Variants in ROPN1B observed in about 807,000 individuals in gnomAD.
ROPN1B encodes the protein ropporin-1B.
Under a neutral mutation model 23.7 loss-of-function variants are expected in ROPN1B, and 13 were observed. The ratio of observed to expected loss-of-function variants is 0.55; its 90% CI spans 0.36 to 0.87. The LOEUF (loss-of-function observed/expected upper bound fraction) is 0.87, where lower values mean the gene tolerates loss of function less well. Among genes scored for constraint, ROPN1B ranks in the 40% least tolerant of loss-of-function variants. ROPN1B has a pLI of 0.01. For synonymous variants in ROPN1B, 67 were observed against 100.4 expected (o/e 0.67, Z 1.99); for missense variants, 183 against 249.2 (o/e 0.73, Z 1.79).
At chr3:125,971,304 G>T (rs1487122068) in intron 2 of ROPN1B, 142 bp downstream of exon 2, 1 of 152,082 alleles carries the variant, frequency 6.6e-6, no homozygotes, top group Non-Finnish European at 1.5e-5. Context: ...CTGGCCTCTA[G>T]GTGTTTTGAA....
chr3:125,980,127 G>A (rs976760930), intron 5 of ROPN1B, among the ~76,000 whole-genome samples: 2 of 152,208 alleles, frequency 1.3e-5, no homozygotes, highest in African/African-American at 4.8e-5. Flanking sequence ...CTACCTCTGT[G>A]AAGTGGATCC....
intron 5 of ROPN1B, among the ~76,000 whole-genome samples, chr3:125,978,682 T>G (rs1224008977): frequency 6.6e-6 from 1 of 152,146 alleles, no homozygotes; most frequent in Non-Finnish European, 1.5e-5. Flanking sequence ...TCTCCCAGAT[T>G]GGTGAAAGTC....
At chr3:125,975,755 C>T (rs1938387706) in intron 4 of ROPN1B, 75 bp downstream of exon 4, 3 of 1,359,668 alleles carry the variant, frequency 2.2e-6, no homozygotes, top group African/African-American at 1.4e-5. Flanking sequence ...CGAAAGCCCT[C>T]TGTTCTCCTG....
intron 4 of ROPN1B, among the ~76,000 whole-genome samples, chr3:125,976,513 T>C (rs530702286): frequency 6.6e-6 from 1 of 152,350 alleles, no homozygotes; most frequent in East Asian, 1.9e-4. Flanking sequence ...GTCAGCCACA[T>C]ACCCCATATC....
At chr3:125,969,747 C>T (rs1938124739) in intron 1 of ROPN1B, 1 of 152,456 alleles carries the variant, frequency 6.6e-6, no homozygotes, top group African/African-American at 2.4e-5. Flanking sequence ...ATAAAAATAC[C>T]TCTGGGTGAA....
Position 125,972,144 on chromosome 3 carries a change from G to T in ROPN1B, c.90G>T (p.Pro30=), listed in dbSNP as rs546537691. The T allele has an allele frequency of 6.0e-5, 97 of 1,614,206 alleles. 2 individuals are homozygous for T. The South Asian group carries it at 1.0e-3, about 17-fold the overall frequency. ...EFAKAAIRAQ[P]QDLIQWGADY... is the part of the protein sequence containing the mutation. ...CCAAAGCCGCCATTCGGGCGCAGCCGCAGGACCTCATCCAGTGGGGGGCCG... is the reference window on the plus strand; with the variant it reads ...CCAAAGCCGCCATTCGGGCGCAGCCTCAGGACCTCATCCAGTGGGGGGCCG... The change falls in exon 3 of 7, where the codon CCG becomes CCT. Residue 30 remains proline, a synonymous_variant. Transcript: ENST00000514116.
intron 3 of ROPN1B, chr3:125,972,490 C>A (rs1015249444): frequency 1.7e-5 from 8 of 483,728 alleles, no homozygotes; most frequent in Non-Finnish European, 2.5e-5. Flanking sequence ...CCCTGCACGC[C>A]TTTTCCCACT....
chr3:125,972,207 C>CGGGCG (rs1381891442), intron 3 of ROPN1B, 37 bp downstream of exon 3: 3 of 1,604,814 alleles, frequency 1.9e-6, no homozygotes, highest in Non-Finnish European at 2.6e-6. Context: ...TCTTGGAGGA[C>CGGGCG]GGGCGGGGAG....
chr3:125,972,132 T>C lies in ROPN1B; in HGVS notation c.78T>C (p.Ile26=). The C allele has an allele frequency of 6.2e-7, 1 of 1,614,174 alleles. No homozygotes were observed. The highest frequency in any genetic ancestry group is 8.5e-7 in the Non-Finnish European group (1 of 1,180,020). ...KMLKEFAKAA[I]RAQPQDLIQW... is the part of the protein sequence containing the mutation. ...TGAAGGAGTTTGCCAAAGCCGCCAT[T>C]CGGGCGCAGCCGCAGGACCTCATCC... Residue 26 remains isoleucine, a synonymous_variant, in exon 3 of 7, where the codon ATT becomes ATC. Transcript: ENST00000514116.
intron 3 of ROPN1B, 94 bp downstream of exon 3, chr3:125,972,264 G>C (rs1406164596): frequency 1.7e-6 from 2 of 1,159,446 alleles, no homozygotes; most frequent in South Asian, 2.6e-5. Flanking sequence ...GCAGCCAGGG[G>C]GTCGGGACTA....
intron 5 of ROPN1B, among the ~76,000 whole-genome samples, chr3:125,980,135 TC>T (rs1425259303): frequency 5.9e-5 from 9 of 152,170 alleles, no homozygotes; most frequent in Admixed American, 1.3e-4. Context: ...GTGAAGTGGA[TC>T]CCCAAAAAAA....
chr3:125,981,314 A>G (rs370414105), intron 5 of ROPN1B, among the ~76,000 whole-genome samples: 1 of 152,098 alleles, frequency 6.6e-6, no homozygotes, highest in Admixed American at 6.5e-5. Flanking sequence ...ATGAGAGGAG[A>G]ACAGCAGACA....
Position 125,972,941 on chromosome 3 carries a change from C to A in ROPN1B, c.116+771C>A, listed in dbSNP as rs1489386570. The stretch of plus-strand genomic sequence containing the variant: ...GATGGAGCTTACACAACAATCGCTG[C>A]GGGCCTGGATTGAAGTAGCTTTGCA... On this transcript the variant is annotated intron_variant, in intron 3 of 6. Coordinates refer to ENST00000514116, the MANE Select transcript of ROPN1B (RefSeq NM_001308313.2). 1.6e-5 allele frequency: 6 copies of A among 364,840 alleles called. No homozygotes were observed. The Admixed American group carries it at 2.2e-4, about 14-fold the overall frequency. The allele number at this position is 364,840 out of a possible 1,614,324, so 22.6% of individuals were successfully genotyped here.
At position 125,983,265 on chromosome 3, in the gene ROPN1B, A is replaced by C; in HGVS notation, c.584A>C (p.Asp195Ala). 1 of 1,612,968 alleles carries C rather than the reference A, an allele frequency of 6.2e-7. No individual in the cohort carries two copies. The highest frequency in any genetic ancestry group is 1.3e-5 in the African/African-American group (1 of 75,016). The change falls in exon 7 of 7, where the codon GAT becomes GCT. Residue 195 changes from aspartate to alanine, a missense_variant. Asp to Ala is a moderately radical substitution (Grantham distance 126). Coordinates refer to ENST00000514116, the MANE Select transcript of ROPN1B (RefSeq NM_001308313.2). ...NYIEQEVIGP[D>A]GLITVNDFTQ... ...CTTTATCCAAACAGAATTGGTCCTGATGGTTTAATCACGGTGAATGACTTT... is the reference window on the plus strand; with the variant it reads ...CTTTATCCAAACAGAATTGGTCCTGCTGGTTTAATCACGGTGAATGACTTT...
intron 5 of ROPN1B, among the ~76,000 whole-genome samples, chr3:125,980,483 T>C (rs1287649328): frequency 6.6e-6 from 1 of 152,172 alleles, no homozygotes; most frequent in Non-Finnish European, 1.5e-5. Context: ...GGCTTAAAAA[T>C]GGCCAGCTTC....
intron 5 of ROPN1B, among the ~76,000 whole-genome samples, chr3:125,981,160 A>T (rs1005561229): frequency 2.6e-5 from 4 of 152,250 alleles, no homozygotes; most frequent in Non-Finnish European, 5.9e-5. Context: ...TTATGTTTAA[A>T]TTACTTGCCA....
At chr3:125,974,116 T>A (rs542152442) in intron 3 of ROPN1B, among the ~76,000 whole-genome samples, 1 of 152,358 alleles carries the variant, frequency 6.6e-6, no homozygotes, top group African/African-American at 2.4e-5. Flanking sequence ...GAGATGTTGC[T>A]GCTGAGTGTT....
chr3:125,970,221 C>T (rs1295627135), intron 1 of ROPN1B: 3 of 152,002 alleles, frequency 2.0e-5, no homozygotes, highest in East Asian at 3.9e-4. Context: ...AAGCAGACCT[C>T]CAAAGGAAGA....
At chr3:125,976,921 T>C in intron 4 of ROPN1B, 83 bp from the exon 5 acceptor site, 1 of 701,300 alleles carries the variant, frequency 1.4e-6, no homozygotes, top group Non-Finnish European at 2.7e-6. Context: ...GATGTGGACC[T>C]GGCCTGGGGA....
Sources: allele counts gnomAD v4.1 joint callset (sites outside exome capture counted in the v4.1 genomes callset), GRCh38; gene constraint gnomAD v4.1.1; transcripts MANE v1.5; gene names NCBI Gene and HGNC (gene_info 2026-07-23, HGNC 2026-07-21).